The following TMEM132C variants were observed in gnomAD, a reference collection of about 807,000 sequenced individuals.
TMEM132C encodes the protein protein phosphatase 1, regulatory subunit 152.
In TMEM132C, 29 loss-of-function variants were observed where a neutral mutation model predicts 61.4. The ratio of observed to expected loss-of-function variants is 0.47; its 90% confidence interval spans 0.35 to 0.64. The LOEUF (loss-of-function observed/expected upper bound fraction) is 0.64. Ranked by LOEUF, TMEM132C falls within the 30% of genes least tolerant of loss-of-function variation. TMEM132C has a pLI of 0.00. For synonymous variants in TMEM132C, 656 were observed against 633.1 expected, an observed-to-expected ratio of 1.04 and a Z score of -0.54; for missense variants, 1,408 against 1,476.9, an observed-to-expected ratio of 0.95 and a Z score of 0.76.
chr12:128,602,233 A>G (rs1008598817), intron 3 of TMEM132C, among the ~76,000 whole-genome samples: 1 of 152,162 alleles, frequency 6.6e-6, no homozygotes, highest in Admixed American at 6.5e-5. Flanking sequence ...TTAAACCACA[A>G]TCCACTTCAG....
intron 2 of TMEM132C, among the ~76,000 whole-genome samples, chr12:128,503,459 T>C (rs1321586808): frequency 6.6e-6 from 1 of 152,208 alleles, no homozygotes; most frequent in East Asian, 1.9e-4. Context: ...AATGTAAGTC[T>C]TTGGGTCTCA....
chr12:128,630,385 G>A lies in TMEM132C; in HGVS notation c.1305+14050G>A, dbSNP rs1954056349. Among the ~76,000 whole-genome samples the A allele has an allele frequency of 1.3e-5, 2 of 152,168 alleles. No individual in the cohort carries two copies. The highest frequency in any genetic ancestry group is 2.4e-5 in the African/African-American group (1 of 41,434). The stretch of plus-strand genomic sequence containing the variant: ...CTGTGTTTATAGTTCACTGCTCGGT[G>A]ACTCCATGCACATCCAAGATTCAGC... On this transcript the variant is annotated intron_variant, in intron 4 of 8. Transcript: ENST00000435159. The surrounding 1 kb of genome is among the most constrained non-coding windows in gnomAD (Gnocchi z 4.3).
intron 4 of TMEM132C, among the ~76,000 whole-genome samples, chr12:128,622,464 C>T (rs1255286695): frequency 2.8e-5 from 4 of 142,180 alleles, no homozygotes; most frequent in East Asian, 2.2e-4. Flanking sequence ...GGAAGGGAGC[C>T]GTTAAGACAT....
chr12:128,430,917 T>A lies in TMEM132C; in HGVS notation c.974+15297T>A, dbSNP rs536560746. Among the ~76,000 whole-genome samples, 4 of 152,294 alleles carry A rather than the reference T, an allele frequency of 2.6e-5. No individual in the cohort carries two copies. In the South Asian group the frequency reaches 8.3e-4, roughly 32 times the overall value. ...CCCTATTCCCTAAGATGTAACAATA[T>A]TGAAATTAGGCTAATGAATAACCCT... On this transcript the variant is annotated intron_variant, in intron 2 of 8. Transcript: ENST00000435159.
intron 1 of TMEM132C, among the ~76,000 whole-genome samples, chr12:128,413,903 A>T (rs1868658804): frequency 6.6e-6 from 1 of 152,206 alleles, no homozygotes; most frequent in South Asian, 2.1e-4. Flanking sequence ...ATTTTGAGTC[A>T]TAATTGTGAA....
intron 2 of TMEM132C, among the ~76,000 whole-genome samples, chr12:128,532,856 A>G (rs12581308): frequency 0.15 from 22,386 of 151,884 alleles, 2,419 homozygotes; most frequent in African/African-American, 0.29. Context: ...TGCTCCCTGG[A>G]TGAGACGATG....
Position 128,705,196 on chromosome 12 carries a change from C to G in TMEM132C, c.2228C>G (p.Ala743Gly). 6.4e-7 allele frequency: 1 copy of G among 1,551,712 alleles called. No homozygotes were observed. The highest frequency in any genetic ancestry group is 8.7e-7 in the Non-Finnish European group (1 of 1,146,998). The change falls in exon 9 of 9, where the codon GCT becomes GGT. Residue 743 changes from alanine to glycine, a missense_variant. Ala to Gly is a moderately conservative substitution (Grantham distance 60). Transcript: ENST00000435159. Reference protein sequence around the residue: ...FSLAATSQDEAVVSVPQPRSP... With the variant: ...FSLAATSQDEGVVSVPQPRSP... ...CTGGCAGCCACCTCCCAGGACGAGG[C>G]TGTCGTGTCAGTCCCCCAGCCCCGC...
At chr12:128,419,695 A>G (rs1868923133) in intron 2 of TMEM132C, among the ~76,000 whole-genome samples, 2 of 151,592 alleles carry the variant, frequency 1.3e-5, no homozygotes, top group Admixed American at 6.6e-5. Context: ...TTCTTTTGAT[A>G]GCCCAAATAC....
chr12:128,320,522 T>A (rs971183082), intron 1 of TMEM132C, among the ~76,000 whole-genome samples: 7 of 152,098 alleles, frequency 4.6e-5, no homozygotes, highest in Non-Finnish European at 2.9e-5. Flanking sequence ...TCCCAACACT[T>A]AGGTAGGCCA....
At chr12:128,330,454 GAGGCAGGAGGATC>G (rs1872640357) in intron 1 of TMEM132C, among the ~76,000 whole-genome samples, 1 of 152,168 alleles carries the variant, frequency 6.6e-6, no homozygotes, top group African/African-American at 2.4e-5. Flanking sequence ...TGAGGAGGCT[GAGGCAGGAGGATC>G]ACATGAGCCC....
intron 2 of TMEM132C, among the ~76,000 whole-genome samples, chr12:128,442,662 T>G (rs906334176): frequency 2.0e-5 from 3 of 151,742 alleles, no homozygotes; most frequent in African/African-American, 7.3e-5. Context: ...ATGCAAACAT[T>G]AGGGGAAAAT....
intron 2 of TMEM132C, among the ~76,000 whole-genome samples, chr12:128,439,830 C>T (rs188294314): frequency 1.4e-4 from 21 of 152,142 alleles, no homozygotes; most frequent in African/African-American, 4.8e-4. Context: ...GCGTATGAGC[C>T]GCAGATGATG....
chr12:128,664,215 C>CGACAGGCACATGTACCCATACA (rs1491190138), intron 4 of TMEM132C, among the ~76,000 whole-genome samples: 1 of 151,236 alleles, frequency 6.6e-6, no homozygotes, highest in Admixed American at 6.6e-5. Flanking sequence ...CACACACATG[C>CGACAGGCACATGTACCCATACA]CTGTGTGTGT....
At chr12:128,334,063 G>A (rs567062081) in intron 1 of TMEM132C, among the ~76,000 whole-genome samples, 6 of 152,148 alleles carry the variant, frequency 3.9e-5, no homozygotes, top group South Asian at 2.1e-4. Context: ...GGAGAAGGCC[G>A]CGGATGCTCT....
At chr12:128,599,679 G>A (rs1876100268) in intron 3 of TMEM132C, among the ~76,000 whole-genome samples, 1 of 152,224 alleles carries the variant, frequency 6.6e-6, no homozygotes, top group Non-Finnish European at 1.5e-5. Flanking sequence ...TTTTTAAAAA[G>A]CAAGAGTGTT....
At chr12:128,355,956 T>G (rs1348995493) in intron 1 of TMEM132C, among the ~76,000 whole-genome samples, 1 of 152,136 alleles carries the variant, frequency 6.6e-6, no homozygotes, top group African/African-American at 2.4e-5. Flanking sequence ...ATTTTACTAT[T>G]TATCTTTCCC....
chr12:128,285,852 CCTTTCTCT>C (rs1871047216), intron 1 of TMEM132C, among the ~76,000 whole-genome samples: 1 of 58,178 alleles, frequency 1.7e-5, no homozygotes, highest in African/African-American at 1.2e-4. Flanking sequence ...TCCCTCTCTC[CCTTTCTCT>C]CTTTCTCTCT....
chr12:128,345,447 A>G (rs1463706395), intron 1 of TMEM132C, among the ~76,000 whole-genome samples: 3 of 152,160 alleles, frequency 2.0e-5, no homozygotes, highest in African/African-American at 7.2e-5. Flanking sequence ...GGGTCAAATG[A>G]TATTTCTATC....
At chr12:128,694,062 GA>G (rs749932418) in intron 6 of TMEM132C, 28 bp downstream of exon 6, 2 of 1,548,264 alleles carry the variant, frequency 1.3e-6, no homozygotes, top group South Asian at 2.4e-5. Context: ...AGATGCCCTA[GA>G]GCCAAAACAA....
Sources: gnomAD v4.1 joint callset for allele counts (sites outside exome capture counted in the v4.1 genomes callset) on GRCh38, gnomAD v4.1.1 for gene constraint, Gnocchi (gnomAD v3.1) non-coding constraint, MANE v1.5 for transcripts, NCBI Gene and HGNC (gene_info 2026-07-23, HGNC 2026-07-21) for gene names.